GLI2: variants seen among roughly 807,000 people sequenced by gnomAD.
GLI2 encodes transcription activator GLI2.
GLI2 carries 22 observed loss-of-function variants against 78.9 expected under a neutral mutation model. The observed-to-expected ratio is 0.28, with a 90% confidence interval of 0.20 to 0.40. The LOEUF (loss-of-function observed/expected upper bound fraction) is 0.40. Ranked by LOEUF, GLI2 falls within the 10% of genes least tolerant of loss-of-function variation. The pLI, the probability that GLI2 is intolerant of heterozygous loss-of-function variation, is 1.00. For missense variants in GLI2, 2,097 were observed against 2,213.2 expected (o/e 0.95, Z 1.05); for synonymous variants, 974 against 963.7 (o/e 1.01, Z -0.20).
At chr2:120,751,386 G>T (rs941536706) in intron 1 of GLI2, among the ~76,000 whole-genome samples, 1 of 151,734 alleles carries the variant, frequency 6.6e-6, no homozygotes, top group Non-Finnish European at 1.5e-5. Flanking sequence ...ATGGTTTACA[G>T]TTTTGCATCT....
chr2:120,961,847 G>T (rs1006013759), intron 5 of GLI2, among the ~76,000 whole-genome samples: 1 of 152,202 alleles, frequency 6.6e-6, no homozygotes, highest in Non-Finnish European at 1.5e-5. Context: ...TTCCTGAAAT[G>T]GAAAACCTAA....
At chr2:120,854,015 C>G (rs577641442) in intron 2 of GLI2, among the ~76,000 whole-genome samples, 4 of 147,210 alleles carry the variant, frequency 2.7e-5, no homozygotes, top group African/African-American at 5.2e-5. Context: ...TTCATTCTAC[C>G]AGCATTTATC....
intron 2 of GLI2, among the ~76,000 whole-genome samples, chr2:120,823,432 A>T (rs1175887150): frequency 1.3e-5 from 2 of 152,174 alleles, no homozygotes; most frequent in Non-Finnish European, 2.9e-5. Context: ...GGTGTGGAGG[A>T]GGCAGAGAGG....
Position 120,989,771 on chromosome 2 carries a change from C to A in GLI2, c.3806C>A (p.Thr1269Lys), listed in dbSNP as rs1389095782. Reference protein sequence around the residue: ...KPGHLGHPQQTEVAPDPTTMG... With the variant: ...KPGHLGHPQQKEVAPDPTTMG... ...GGGCATCTGGGGCACCCTCAGCAGACAGAAGTGGCACCTGACCCCACCACG... is the reference window on the plus strand; with the variant it reads ...GGGCATCTGGGGCACCCTCAGCAGAAAGAAGTGGCACCTGACCCCACCACG... The change falls in exon 14 of 14, where the codon ACA (threonine) becomes AAA (lysine). Residue 1269 changes from threonine to lysine, a missense_variant. Thr to Lys is a moderately conservative substitution (Grantham distance 78). Coordinates refer to ENST00000361492, the MANE Select transcript of GLI2 (RefSeq NM_001374353.1). 4 of 1,611,644 alleles carry A rather than the reference C, an allele frequency of 2.5e-6. No homozygotes were observed. In the African/African-American group the frequency reaches 5.3e-5, roughly 22 times the overall value.
rs1685874525 is a variant in GLI2, at chr2:120,823,281, T to C, written c.148+25813T>C. On this transcript the variant is annotated intron_variant, in intron 2 of 13. Coordinates refer to ENST00000361492, the MANE Select transcript of GLI2 (RefSeq NM_001374353.1). ...CCCCCGGTGTGATATAATTACATTA[T>C]AATTTACAGCAATCCCAAATCTATA... Among the ~76,000 whole-genome samples, 3 of 152,328 alleles carry C rather than the reference T, an allele frequency of 2.0e-5. No individual in the cohort carries two copies. In the South Asian group the frequency reaches 6.2e-4, roughly 32 times the overall value.
chr2:120,952,949 G>C (rs767195627), intron 4 of GLI2, among the ~76,000 whole-genome samples: 1 of 152,230 alleles, frequency 6.6e-6, no homozygotes. Context: ...CAACTCCCCA[G>C]CCTTGGTTCC....
At chr2:120,915,426 G>A (rs932035468) in intron 2 of GLI2, among the ~76,000 whole-genome samples, 2 of 152,182 alleles carry the variant, frequency 1.3e-5, no homozygotes, top group African/African-American at 4.8e-5. Flanking sequence ...GCACGTTGTG[G>A]AGTGGCCATT....
At chr2:120,752,414 C>T (rs530891362) in intron 1 of GLI2, among the ~76,000 whole-genome samples, 1 of 152,032 alleles carries the variant, frequency 6.6e-6, no homozygotes, top group African/African-American at 2.4e-5. Flanking sequence ...GGACCACAGG[C>T]ATCTGCCACG....
At chr2:120,882,530 G>T (rs1677204270) in intron 2 of GLI2, among the ~76,000 whole-genome samples, 1 of 152,262 alleles carries the variant, frequency 6.6e-6, no homozygotes, top group African/African-American at 2.4e-5. Flanking sequence ...TTGGGAGAGG[G>T]CGGTGGCTTT....
At position 120,907,241 on chromosome 2, in the gene GLI2, C is replaced by G. The variant is rs61624698; in HGVS notation, c.149-20120C>G. ...GTGTGTGCCTTCTCAGCCCTCTCCT[C>G]GGCTTGGCTTCACCTGTTGACGGGT... On this transcript the variant is annotated intron_variant, in intron 2 of 13. Coordinates refer to ENST00000361492, the MANE Select transcript of GLI2 (RefSeq NM_001374353.1). Among the ~76,000 whole-genome samples, 968 of 152,286 alleles carry G rather than the reference C, an allele frequency of 6.4e-3. 11 individuals are homozygous for G. Among genetic ancestry groups the G allele is most frequent in the African/African-American group, 0.022 (919 of 41,554 alleles).
intron 5 of GLI2, among the ~76,000 whole-genome samples, chr2:120,964,452 C>T (rs1681735247): frequency 6.6e-6 from 1 of 152,204 alleles, no homozygotes; most frequent in African/African-American, 2.4e-5. Context: ...GATTGGACAG[C>T]TGTTAGCTGA....
At chr2:120,933,832 A>G (rs1558894011) in intron 3 of GLI2, among the ~76,000 whole-genome samples, 2 of 138,134 alleles carry the variant, frequency 1.4e-5, no homozygotes, top group East Asian at 4.4e-4. Context: ...GCTTTTGAGG[A>G]CCTTTCCAGC....
chr2:120,867,982 G>A (rs1014883698), intron 2 of GLI2, among the ~76,000 whole-genome samples: 8 of 152,200 alleles, frequency 5.3e-5, no homozygotes, highest in African/African-American at 1.9e-4. Context: ...TGGGGGCTCT[G>A]GAAGATTCAC....
At chr2:120,795,732 C>A (rs965662732) in intron 1 of GLI2, among the ~76,000 whole-genome samples, 1 of 152,030 alleles carries the variant, frequency 6.6e-6, no homozygotes, top group African/African-American at 2.4e-5. Context: ...AAAATGCCAG[C>A]TATCTTCCCC....
intron 2 of GLI2, among the ~76,000 whole-genome samples, chr2:120,922,694 C>G (rs1679441042): frequency 6.6e-6 from 1 of 152,192 alleles, no homozygotes; most frequent in African/African-American, 2.4e-5. Context: ...TGCCACTCTG[C>G]CCTGGCCAAC....
intron 5 of GLI2, among the ~76,000 whole-genome samples, chr2:120,960,026 T>TTC (rs971450399): frequency 2.4e-4 from 37 of 152,208 alleles, no homozygotes; most frequent in Non-Finnish European, 4.0e-4. Flanking sequence ...AGAACAGGCC[T>TTC]TCTCTCTCTG....
intron 5 of GLI2, among the ~76,000 whole-genome samples, chr2:120,964,131 G>T (rs922785783): frequency 2.0e-5 from 3 of 152,200 alleles, no homozygotes; most frequent in Non-Finnish European, 4.4e-5. Flanking sequence ...CCCCACCCTT[G>T]TTTGGAGAGA....
At chr2:120,809,375 G>A (rs569236895) in intron 2 of GLI2, among the ~76,000 whole-genome samples, 5 of 152,322 alleles carry the variant, frequency 3.3e-5, no homozygotes, top group African/African-American at 9.6e-5. Context: ...AGGGAATGGG[G>A]AATGATTGCT....
intron 5 of GLI2, among the ~76,000 whole-genome samples, chr2:120,959,958 T>A (rs1681464179): frequency 6.6e-6 from 1 of 152,172 alleles, no homozygotes; most frequent in African/African-American, 2.4e-5. Flanking sequence ...CACATCATCT[T>A]GAGCATGTGA....
Sources: allele counts gnomAD v4.1 joint callset (sites outside exome capture counted in the v4.1 genomes callset), GRCh38; gene constraint gnomAD v4.1.1; transcripts MANE v1.5; gene names NCBI Gene and HGNC (gene_info 2026-07-23, HGNC 2026-07-21).